RAB27B: variants seen among roughly 807,000 people sequenced by gnomAD.
RAB27B encodes the protein ras-related protein Rab-27B.
RAB27B carries 15 observed loss-of-function variants against 24.6 expected under a neutral mutation model. The ratio of observed to expected loss-of-function variants is 0.61; its 90% CI spans 0.41 to 0.94. The LOEUF (loss-of-function observed/expected upper bound fraction) is 0.94. RAB27B is among the 40% of genes least tolerant of loss of function. RAB27B has a pLI of 0.00. For missense variants in RAB27B, 261 were observed against 266.8 expected (o/e 0.98, Z 0.15); for synonymous variants, 105 against 92.5 (o/e 1.14, Z -0.78).
At chr18:54,848,398 AATC>A (rs1911423436) in intron 1 of RAB27B, among the ~76,000 whole-genome samples, 1 of 152,106 alleles carries the variant, frequency 6.6e-6, no homozygotes, top group Admixed American at 6.5e-5. Flanking sequence ...AAATAGGAAA[AATC>A]ATGGAATTTA....
At chr18:54,733,023 C>T (rs370717336) in intron 2 of RAB27B, among the ~76,000 whole-genome samples, 6 of 152,054 alleles carry the variant, frequency 3.9e-5, no homozygotes, top group African/African-American at 1.2e-4. Flanking sequence ...CAACTCATCA[C>T]CTGTTTTGTA....
At chr18:54,845,296 A>G (rs968029695) in intron 1 of RAB27B, among the ~76,000 whole-genome samples, 11 of 151,490 alleles carry the variant, frequency 7.3e-5, no homozygotes, top group African/African-American at 2.4e-4. Context: ...AATCCCAGCC[A>G]CTCAGGAGAC....
chr18:54,721,240 A>G (rs1909349719), intron 2 of RAB27B, among the ~76,000 whole-genome samples: 2 of 152,174 alleles, frequency 1.3e-5, no homozygotes, highest in South Asian at 4.1e-4. Flanking sequence ...ATTTGTTGAT[A>G]TGCAAGTTTA....
At chr18:54,740,380 C>T (rs898617680) in intron 2 of RAB27B, among the ~76,000 whole-genome samples, 6 of 152,126 alleles carry the variant, frequency 3.9e-5, no homozygotes, top group South Asian at 2.1e-4. Context: ...GCAATCCTTA[C>T]GTTGAATAAA....
chr18:54,854,568 T>C (rs1016044693), intron 1 of RAB27B, among the ~76,000 whole-genome samples: 3 of 151,794 alleles, frequency 2.0e-5, no homozygotes, highest in Non-Finnish European at 4.4e-5. Context: ...ATTAAAAAAA[T>C]AATTAAGTGT....
chr18:54,752,617 T>G (rs143805720), intron 2 of RAB27B, among the ~76,000 whole-genome samples: 1 of 152,206 alleles, frequency 6.6e-6, no homozygotes, highest in East Asian at 1.9e-4. Flanking sequence ...TGGGGTTTGT[T>G]TGTTATTTTT....
chr18:54,839,333 T>C (rs886247042), intron 1 of RAB27B, among the ~76,000 whole-genome samples: 3 of 152,200 alleles, frequency 2.0e-5, no homozygotes, highest in African/African-American at 7.2e-5. Flanking sequence ...CTACTACTGC[T>C]TTCTCTTTGG....
At chr18:54,720,763 T>C (rs1909335178) in intron 2 of RAB27B, among the ~76,000 whole-genome samples, 1 of 152,094 alleles carries the variant, frequency 6.6e-6, no homozygotes, top group Admixed American at 6.6e-5. Context: ...GTTTACTGAA[T>C]GGATGAGAAA....
intron 2 of RAB27B, among the ~76,000 whole-genome samples, chr18:54,721,257 A>G (rs528960156): frequency 6.6e-6 from 1 of 152,194 alleles, no homozygotes; most frequent in African/African-American, 2.4e-5. Flanking sequence ...TTTATCCAAA[A>G]CATTGCTTTA....
chr18:54,877,060 C>T (rs1912731847), intron 1 of RAB27B, among the ~76,000 whole-genome samples: 1 of 152,134 alleles, frequency 6.6e-6, no homozygotes, highest in Admixed American at 6.5e-5. Context: ...TAATTTAATC[C>T]TGGGGGCATT....
At chr18:54,840,962 C>A (rs1568090681) in intron 1 of RAB27B, among the ~76,000 whole-genome samples, 1 of 152,026 alleles carries the variant, frequency 6.6e-6, no homozygotes, top group Non-Finnish European at 1.5e-5. Context: ...GCCTGGCCAA[C>A]ATGGTGAAAC....
intron 2 of RAB27B, among the ~76,000 whole-genome samples, chr18:54,787,214 G>A (rs1909114808): frequency 6.6e-6 from 1 of 152,214 alleles, no homozygotes; most frequent in African/African-American, 2.4e-5. Flanking sequence ...CCAGCTGCCA[G>A]CTCGTCCAGG....
At chr18:54,826,721 G>T (rs565441018), upstream of RAB27B, among the ~76,000 whole-genome samples, 6 of 152,180 alleles carry the variant, frequency 3.9e-5, no homozygotes, top group Admixed American at 2.6e-4. Context: ...TGTGAGCTCG[G>T]CATTCAGGAT....
At chr18:54,820,757 A>G (rs1337984029) in intron 2 of RAB27B, among the ~76,000 whole-genome samples, 2 of 152,192 alleles carry the variant, frequency 1.3e-5, no homozygotes, top group Non-Finnish European at 2.9e-5. Flanking sequence ...CAATTCTAAC[A>G]TTTAATTCTT....
Position 54,766,569 on chromosome 18 carries a change from T to C in RAB27B, c.-20+48428T>C, listed in dbSNP as rs115488951. Among the ~76,000 whole-genome samples, 699 of 152,284 alleles carry C rather than the reference T, an allele frequency of 4.6e-3. 7 individuals carry two copies. Among genetic ancestry groups the C allele is most frequent in the African/African-American group, 0.016 (664 of 41,568 alleles). ...ATTAAATACGTGCTAAAATACCTCC[T>C]AGATCTAATGTTTATGTTTCTGCAA... On this transcript the variant is annotated intron_variant, in intron 2 of 4. Transcript: ENST00000586570.
chr18:54,774,137 C>T (rs1265945905), intron 2 of RAB27B, among the ~76,000 whole-genome samples: 4 of 152,168 alleles, frequency 2.6e-5, no homozygotes, highest in Non-Finnish European at 4.4e-5. Context: ...CCAATTTGTA[C>T]TCTCAACCAG....
intron 2 of RAB27B, among the ~76,000 whole-genome samples, chr18:54,719,463 A>G (rs1909291580): frequency 6.6e-6 from 1 of 152,002 alleles, no homozygotes; most frequent in Non-Finnish European, 1.5e-5. Context: ...AATGTAACTA[A>G]AATTACTAAT....
At chr18:54,800,445 C>T (rs1414202917) in intron 2 of RAB27B, among the ~76,000 whole-genome samples, 2 of 152,192 alleles carry the variant, frequency 1.3e-5, no homozygotes, top group African/African-American at 2.4e-5. Flanking sequence ...TGGTGCTCTT[C>T]CTCCTCCCCA....
In RAB27B at chr18:54,894,603, T is replaced by G. The variant is rs1240528610; in HGVS notation, c.*5190T>G. 6.6e-6 allele frequency: 1 copy of G among 152,092 alleles called. No individual in the cohort carries two copies. Among genetic ancestry groups the G allele is most frequent in the Non-Finnish European group, 1.5e-5 (1 of 67,978 alleles). The allele number at this position is 152,092 out of a possible 1,614,324, so 9.4% of individuals were successfully genotyped here. A position where few individuals can be genotyped will look rare whatever the true frequency, so the allele number is the denominator to read the frequency against. ...AAGGAAAGTGGCCAGAAAGAACAAC[T>G]TGGGACCATGAGTAGGTCATTAAAT... is the stretch of plus-strand genomic sequence containing the variant. On this transcript the variant is annotated 3_prime_UTR_variant, in exon 6 of 6. Coordinates refer to ENST00000262094, the MANE Select transcript of RAB27B (RefSeq NM_004163.4).
Sources: allele counts gnomAD v4.1 joint callset (sites outside exome capture counted in the v4.1 genomes callset), GRCh38; gene constraint gnomAD v4.1.1; transcripts MANE v1.5; gene names NCBI Gene and HGNC (gene_info 2026-07-23, HGNC 2026-07-21).